The following SYNDIG1 variants were observed in gnomAD, a reference collection of about 807,000 sequenced individuals.
The protein encoded by SYNDIG1 is synapse differentiation-inducing gene protein 1.
Under a neutral mutation model 19.4 loss-of-function variants are expected in SYNDIG1, and 9 were observed. That is an observed-to-expected ratio of 0.46 (90% CI 0.28 to 0.81). The LOEUF (loss-of-function observed/expected upper bound fraction) is 0.81. SYNDIG1 is among the 30% of genes least tolerant of loss of function. The pLI is 0.12. For missense variants in SYNDIG1, 311 were observed against 343.3 expected (o/e 0.91, Z 0.74); for synonymous variants, 141 against 145.9 (o/e 0.97, Z 0.24).
intron 2 of SYNDIG1, among the ~76,000 whole-genome samples, chr20:24,574,136 A>G (rs1456447081): frequency 6.6e-6 from 1 of 152,008 alleles, no homozygotes; most frequent in African/African-American, 2.4e-5. Context: ...AAGCAATTGC[A>G]CCTGAATCCT....
At chr20:24,627,732 G>C (rs1478546434) in intron 3 of SYNDIG1, among the ~76,000 whole-genome samples, 2 of 152,228 alleles carry the variant, frequency 1.3e-5, no homozygotes, top group Non-Finnish European at 2.9e-5. Context: ...AACTAAAAGG[G>C]AATGCTTTTC....
chr20:24,516,628 A>C (rs545712389), intron 1 of SYNDIG1, among the ~76,000 whole-genome samples: 176 of 152,370 alleles, frequency 1.2e-3, no homozygotes, highest in Non-Finnish European at 2.2e-3. Flanking sequence ...ATACCATATC[A>C]CACTAGTTAG....
chr20:24,544,604 A>G (rs578194477), intron 2 of SYNDIG1, among the ~76,000 whole-genome samples: 1 of 151,956 alleles, frequency 6.6e-6, no homozygotes, highest in African/African-American at 2.4e-5. Context: ...CCAAGCATGT[A>G]TGTGTGAGAG....
intron 2 of SYNDIG1, among the ~76,000 whole-genome samples, chr20:24,551,378 T>G (rs2057703504): frequency 6.6e-6 from 1 of 151,308 alleles, no homozygotes; most frequent in African/African-American, 2.5e-5. Context: ...TCTCTATTTC[T>G]TTCTTGGTCA....
intron 2 of SYNDIG1, among the ~76,000 whole-genome samples, chr20:24,582,333 C>T (rs1468260942): frequency 7.8e-6 from 1 of 128,882 alleles, no homozygotes; most frequent in Non-Finnish European, 1.6e-5. Context: ...GCTGTCCCCA[C>T]GGCACGGCCT....
At chr20:24,518,907 C>T (rs1291174697) in intron 1 of SYNDIG1, among the ~76,000 whole-genome samples, 2 of 152,214 alleles carry the variant, frequency 1.3e-5, no homozygotes, top group Non-Finnish European at 2.9e-5. Flanking sequence ...AGACACACCC[C>T]GAGGAAGCAG....
At chr20:24,514,841 C>T (rs868247023) in intron 1 of SYNDIG1, among the ~76,000 whole-genome samples, 29 of 152,308 alleles carry the variant, frequency 1.9e-4, no homozygotes, top group African/African-American at 5.3e-4. Flanking sequence ...AACACCGCAC[C>T]GCACTTATTC....
chr20:24,542,492 G>A (rs1568625402), intron 1 of SYNDIG1, among the ~76,000 whole-genome samples: 1 of 152,166 alleles, frequency 6.6e-6, no homozygotes, highest in Non-Finnish European at 1.5e-5. Flanking sequence ...GAGCACCCTA[G>A]GAGACCAAGC....
At chr20:24,607,756 T>A (rs2147157801) in intron 3 of SYNDIG1, among the ~76,000 whole-genome samples, 1 of 152,368 alleles carries the variant, frequency 6.6e-6, no homozygotes, top group East Asian at 1.9e-4. Flanking sequence ...AATTACTTTC[T>A]TCCGTTTTTG....
intron 1 of SYNDIG1, among the ~76,000 whole-genome samples, chr20:24,471,111 G>T (rs1267177170): frequency 6.6e-6 from 1 of 152,138 alleles, no homozygotes; most frequent in Non-Finnish European, 1.5e-5. Flanking sequence ...GAAGGAGGTG[G>T]TGTGTGTGCT....
At chr20:24,662,196 C>T (rs1181428856) in intron 3 of SYNDIG1, among the ~76,000 whole-genome samples, 1 of 151,570 alleles carries the variant, frequency 6.6e-6, no homozygotes, top group African/African-American at 2.4e-5. Flanking sequence ...TCTGGCTGTC[C>T]GTCCTCTGCT....
chr20:24,650,372 T>C (rs2059458303), intron 3 of SYNDIG1, among the ~76,000 whole-genome samples: 1 of 152,244 alleles, frequency 6.6e-6, no homozygotes, highest in Non-Finnish European at 1.5e-5. Flanking sequence ...CCCATCCAGT[T>C]TGTGCTGAGC....
chr20:24,507,916 A>G (rs2056636643), intron 1 of SYNDIG1, among the ~76,000 whole-genome samples: 1 of 152,160 alleles, frequency 6.6e-6, no homozygotes, highest in Admixed American at 6.5e-5. Flanking sequence ...TCCACAACCC[A>G]GGAACCTGCG....
chr20:24,514,777 A>C (rs1263641742), intron 1 of SYNDIG1, among the ~76,000 whole-genome samples: 2 of 152,232 alleles, frequency 1.3e-5, no homozygotes, highest in Non-Finnish European at 2.9e-5. Flanking sequence ...AAGTGGACCT[A>C]ATAGACATCT....
chr20:24,527,527 T>C (rs2057152473), intron 1 of SYNDIG1, among the ~76,000 whole-genome samples: 2 of 151,684 alleles, frequency 1.3e-5, no homozygotes, highest in Admixed American at 1.3e-4. Flanking sequence ...TTTTTTCCTT[T>C]CTTTTCTTTT....
At chr20:24,625,889 A>G (rs1351569734) in intron 3 of SYNDIG1, among the ~76,000 whole-genome samples, 2 of 152,254 alleles carry the variant, frequency 1.3e-5, no homozygotes, top group Non-Finnish European at 2.9e-5. Context: ...TACACCTCCC[A>G]GACGAGGTGG....
At position 24,666,574 on chromosome 20, in the gene SYNDIG1, TTA is replaced by T. The variant is rs1239039940; in HGVS notation, c.*1072_*1073del. ...CGAGTGTTCATTACTTAACAAAAAA[TTA>T]TCTTTTAGCTTTTTCGCTTAAGACT... On this transcript the variant is annotated 3_prime_UTR_variant, in exon 4 of 4. Transcript: ENST00000376862. 3 of 152,582 alleles carry T rather than the reference TTA, an allele frequency of 2.0e-5. No individual in the cohort carries two copies. The highest frequency in any genetic ancestry group is 7.2e-5 in the African/African-American group (3 of 41,450). 9.5% of individuals were successfully genotyped at this position (152,582 alleles called of 1,614,324 possible). A position where few individuals can be genotyped will look rare whatever the true frequency, so the allele number is the denominator to read the frequency against.
At chr20:24,662,987 C>G (rs547662844) in intron 3 of SYNDIG1, among the ~76,000 whole-genome samples, 1 of 152,222 alleles carries the variant, frequency 6.6e-6, no homozygotes, top group Admixed American at 6.5e-5. Flanking sequence ...ACGTGTCTTC[C>G]CATTTGCACC....
chr20:24,661,840 C>A (rs1417024316), intron 3 of SYNDIG1, among the ~76,000 whole-genome samples: 11 of 152,068 alleles, frequency 7.2e-5, no homozygotes, highest in Non-Finnish European at 2.9e-5. Context: ...GCCACCTTCA[C>A]AAGAAGCCAC....
Sources: allele counts gnomAD v4.1 joint callset (sites outside exome capture counted in the v4.1 genomes callset), GRCh38; gene constraint gnomAD v4.1.1; transcripts MANE v1.5; gene names NCBI Gene and HGNC (gene_info 2026-07-23, HGNC 2026-07-21).